The following MED12 variants were observed in gnomAD, a reference collection of about 807,000 sequenced individuals.
The protein encoded by MED12 is mediator complex subunit 12.
A neutral mutation model predicts 177.7 loss-of-function variants in MED12; 10 were observed. The ratio of observed to expected loss-of-function variants is 0.06; its 90% CI spans 0.03 to 0.10. The LOEUF is 0.10. MED12 is among the 10% of genes least tolerant of loss of function. The probability of loss-of-function intolerance (pLI) is 1.00; values close to 1 mark genes in which losing one functional copy is unlikely to be tolerated. For synonymous variants in MED12, 641 were observed against 678.4 expected (o/e 0.94, Z 0.86); for missense variants, 867 against 1,780.8 (o/e 0.49, Z 9.23).
In MED12 at chrX:71,125,435, A is replaced by G. The variant is rs749158402; in HGVS notation, c.2311A>G (p.Ile771Val). The G allele has an allele frequency of 2.5e-5, 30 of 1,208,083 alleles. No individual in the cohort carries two copies. Among genetic ancestry groups the G allele is most frequent in the Non-Finnish European group, 3.1e-5 (28 of 894,415 alleles). Residue 771 changes from isoleucine to valine, a missense_variant, in exon 16 of 45, where the codon ATC (isoleucine) becomes GTC (valine). Physicochemically the swap from Ile to Val is conservative, Grantham distance 29. Transcript: ENST00000374080. The stretch of plus-strand genomic sequence containing the variant: ...GCAGCGAGATGATGCCCGCCATGCC[A>G]TCAAGAAAATCACCAAGGATATCTT... ...GKQRDDARHA[I>V]KKITKDILKV...
intron 5 of MED12, 27 bp downstream of exon 5, chrX:71,121,179 G>A (rs2147778138): frequency 8.3e-7 from 1 of 1,209,120 alleles, no homozygotes; most frequent in Non-Finnish European, 1.1e-6. Context: ...GCTGTGTGGG[G>A]CATTGGGTTG....
In MED12 at chrX:71,124,140, C is replaced by T. The variant is rs1057524262; in HGVS notation, c.1745-19C>T. On this transcript the variant is annotated intron_variant, in intron 12 of 44. Transcript: ENST00000374080. ...TTTTGTGTTCTCCTAACTTATGTTT[C>T]CTCATTCCCTTCCTCCAGCGGACCC... The T allele has an allele frequency of 2.1e-5, 25 of 1,184,319 alleles. No individual in the cohort carries two copies. Among genetic ancestry groups the T allele is most frequent in the Non-Finnish European group, 2.9e-5 (25 of 870,557 alleles).
Position 71,140,785 on chromosome X carries a change from G to A in MED12, c.6195G>A (p.Gln2065=), listed in dbSNP as rs1001762438. The A allele has an allele frequency of 8.3e-7, 1 of 1,208,707 alleles. No individual in the cohort carries two copies. The highest frequency in any genetic ancestry group is 1.1e-6 in the Non-Finnish European group (1 of 894,029). ...AGCAGCAACAGCAACAGCAGCAGCA[G>A]CAGCAACAGCAACAGCAGCAGCAGC... ...QQQQQQQQQQ[Q]QQQQQQQQQQ... is the part of the protein sequence containing the mutation. The change falls in exon 42 of 45, where the codon CAG becomes CAA. Residue 2065 remains glutamine, a synonymous_variant. Transcript: ENST00000374080.
At chrX:71,134,131 T>A (rs911419422) in intron 33 of MED12, among the ~76,000 whole-genome samples, 2 of 105,614 alleles carry the variant, frequency 1.9e-5, no homozygotes, top group Non-Finnish European at 3.9e-5. Context: ...CTCGGGAGGC[T>A]GAGGCAGGAG....
At chrX:71,119,343 A>C in intron 1 of MED12, 30 bp from the exon 2 acceptor site, 2 of 1,122,967 alleles carry the variant, frequency 1.8e-6, no homozygotes, top group South Asian at 3.8e-5. Flanking sequence ...CCTAAGGAAA[A>C]AACAACTAAA....
rs767123637 is a variant in MED12, at chrX:71,132,449, T to C, written c.4326T>C (p.His1442=). ...AACTGCCCACCTCAGTCCAGGGACA[T>C]GTGTTAAAGGCTGCTGGGGAAGAAT... ...IAKLPTSVQG[H]VLKAAGEELE... is the part of the protein sequence containing the mutation. The change falls in exon 31 of 45, where the codon CAT becomes CAC. Residue 1442 remains histidine (H), a synonymous_variant. Transcript: ENST00000374080. The C allele has an allele frequency of 1.7e-6, 2 of 1,210,475 alleles. No homozygotes were observed. The highest frequency in any genetic ancestry group is 3.0e-5 in the East Asian group (1 of 33,823).
At position 71,136,900 on chromosome X, in the gene MED12, C is replaced by T. The variant is rs372271659; in HGVS notation, c.5422C>T (p.Arg1808Trp). The change falls in exon 38 of 45, where the codon CGG (arginine) becomes TGG (tryptophan). Residue 1808 changes from arginine (R) to tryptophan (W), a missense_variant. This residue lies in a region of MED12 where 236 missense variants were observed against 345.2 expected (regional missense o/e 0.68). Coordinates refer to ENST00000374080, the MANE Select transcript of MED12 (RefSeq NM_005120.3). ...ACAGGACTATGGAATGGGCCCGGGTCGGAGCGGCCCTTATGGTGTGACAGT... is the reference window on the plus strand; with the variant it reads ...ACAGGACTATGGAATGGGCCCGGGTTGGAGCGGCCCTTATGGTGTGACAGT... ...KTEDYGMGPGRSGPYGVTVPP... is the reference protein window; with the variant it reads ...KTEDYGMGPGWSGPYGVTVPP... 1 of 1,211,034 alleles carries T rather than the reference C, an allele frequency of 8.3e-7. No homozygotes were observed. Among genetic ancestry groups the T allele is most frequent in the Non-Finnish European group, 1.1e-6 (1 of 895,437 alleles).
At chrX:71,120,229 C>T (rs1332008297) in intron 4 of MED12, 59 bp downstream of exon 4, 24 of 1,092,860 alleles carry the variant, frequency 2.2e-5, no homozygotes, top group Non-Finnish European at 2.9e-5. Flanking sequence ...ATAGAGACAC[C>T]CTTGGAACCA....
rs370978564 is a variant in MED12, at chrX:71,127,885, C to G, written c.2982-8C>G. On this transcript the variant is annotated splice_polypyrimidine_tract_variant and splice_region_variant and intron_variant, in intron 21 of 44. Transcript: ENST00000374080. ...AACACTACTATCTCCTTTCCTCCAT[C>G]CCTGCAGCGACTTTTGCTCAAAGGT... 1.7e-6 allele frequency: 2 copies of G among 1,195,838 alleles called. No individual in the cohort carries two copies. The highest frequency in any genetic ancestry group is 3.5e-5 in the African/African-American group (2 of 56,861).
intron 12 of MED12, 47 bp from the exon 13 acceptor site, chrX:71,124,112 C>A (rs374526599): frequency 9.2e-7 from 1 of 1,089,406 alleles, no homozygotes; most frequent in Non-Finnish European, 1.3e-6. Flanking sequence ...TTTTGGCCCA[C>A]CTTTTTGTGT....
At chrX:71,128,755 C>T in intron 24 of MED12, 37 bp downstream of exon 24, 1 of 1,197,395 alleles carries the variant, frequency 8.4e-7, no homozygotes, top group Non-Finnish European at 1.1e-6. Context: ...CATTTCTAGA[C>T]CTCAAATTTC....
intron 28 of MED12, 47 bp from the exon 29 acceptor site, chrX:71,131,503 G>C: frequency 8.6e-7 from 1 of 1,156,143 alleles, no homozygotes; most frequent in Non-Finnish European, 1.2e-6. Context: ...TGGGTAGCTG[G>C]GGGTAACACG....
chrX:71,132,231 C>T (rs1199219684), intron 30 of MED12, 25 bp downstream of exon 30: 7 of 1,205,337 alleles, frequency 5.8e-6, no homozygotes. Flanking sequence ...TGTTAGGACC[C>T]ATCCCCTTAG....
At chrX:71,124,569 A>G (rs1602297040) in intron 13 of MED12, among the ~76,000 whole-genome samples, 181 bp downstream of exon 13, 1 of 111,519 alleles carries the variant, frequency 9.0e-6, no homozygotes. Flanking sequence ...CAGCCTTGTG[A>G]GGTACTCTTA....
Position 71,124,382 on chromosome X carries a change from G to A in MED12, c.1968G>A (p.Lys656=), listed in dbSNP as rs201473962. ...AGGCTGAAGGCAGCAGCAGCAGCAA[G>A]CTGGAAGTGAGTGGGCTTTTCCTTG... The part of the protein sequence containing the change: ...HKEAEGSSSS[K]LEDPGLSESM... The change falls in exon 13 of 45, where the codon AAG becomes AAA. Residue 656 remains lysine (K), a synonymous_variant. Transcript: ENST00000374080. The A allele has an allele frequency of 1.7e-6, 2 of 1,190,278 alleles. No individual in the cohort carries two copies. The highest frequency in any genetic ancestry group is 2.3e-6 in the Non-Finnish European group (2 of 880,681).
intron 38 of MED12, 49 bp downstream of exon 38, chrX:71,137,078 C>T: frequency 8.4e-7 from 1 of 1,184,216 alleles, no homozygotes; most frequent in Non-Finnish European, 1.1e-6. Context: ...TGTACACTCC[C>T]CCTGCCCAAA....
At position 71,135,106 on chromosome X, in the gene MED12, G is replaced by A. The variant is rs1194892920; in HGVS notation, c.4878G>A (p.Glu1626=). Residue 1626 remains glutamate (E), a synonymous_variant, in exon 36 of 45, where the codon GAG becomes GAA. Transcript: ENST00000374080. ...LAKKLQKELG[E]RQSDSLEKVR... ...TGTGCCTGCAGAAGGAGTTGGGGGA[G>A]CGCCAGTCAGACAGTCTGGAAAAGG... The A allele has an allele frequency of 6.6e-6, 8 of 1,209,120 alleles. No individual in the cohort carries two copies. The highest frequency in any genetic ancestry group is 1.8e-5 in the African/African-American group (1 of 56,934).
At chrX:71,136,739 G>A (rs1431352814) in intron 37 of MED12, 84 bp downstream of exon 37, 14 of 1,175,648 alleles carry the variant, frequency 1.2e-5, no homozygotes, top group Non-Finnish European at 1.5e-5. Flanking sequence ...GGGTGGGGGC[G>A]CATAAGGAAG....
chrX:71,131,505 G>T (rs2092317373), intron 28 of MED12, 45 bp from the exon 29 acceptor site: 1 of 1,161,252 alleles, frequency 8.6e-7, no homozygotes, highest in African/African-American at 1.8e-5. Context: ...GGTAGCTGGG[G>T]GTAACACGAT....
Sources: gnomAD v4.1 joint callset for allele counts (sites outside exome capture counted in the v4.1 genomes callset) on GRCh38, gnomAD v4.1.1 for gene constraint, gnomAD v4.1.1 regional missense constraint, MANE v1.5 for transcripts, NCBI Gene and HGNC (gene_info 2026-07-23, HGNC 2026-07-21) for gene names.